Variants in CLIC4 observed in about 807,000 individuals in gnomAD.
The protein encoded by CLIC4 is chloride intracellular channel protein 4.
In CLIC4, 13 loss-of-function variants were observed where a neutral mutation model predicts 24.6. The observed-to-expected ratio is 0.53, with a 90% CI of 0.34 to 0.84. The LOEUF is 0.84. CLIC4 is among the 40% of genes least tolerant of loss of function. The pLI, the probability that CLIC4 is intolerant of heterozygous loss-of-function variation, is 0.01. For synonymous variants in CLIC4, 104 were observed against 111.3 expected (o/e 0.93, Z 0.41); for missense variants, 227 against 301.7 (o/e 0.75, Z 1.83).
chr1:24,805,086 C>CAAAAAAAAAAA (rs757976140), intron 2 of CLIC4, among the ~76,000 whole-genome samples: 27 of 46,666 alleles, frequency 5.8e-4, no homozygotes, highest in Non-Finnish European at 8.2e-4. Flanking sequence ...GACTCCATGT[C>CAAAAAAAAAAA]AAAAAAAAAA....
chr1:24,746,996 G>A (rs1320288227), intron 1 of CLIC4, among the ~76,000 whole-genome samples: 1 of 151,726 alleles, frequency 6.6e-6, no homozygotes, highest in African/African-American at 2.4e-5. Flanking sequence ...TCAAACAAAA[G>A]AGATGGAGAG....
At chr1:24,789,495 G>A (rs1639309141) in intron 1 of CLIC4, among the ~76,000 whole-genome samples, 1 of 152,182 alleles carries the variant, frequency 6.6e-6, no homozygotes, top group Admixed American at 6.5e-5. Flanking sequence ...TCCAGCCTGA[G>A]TGACAGAGCA....
At chr1:24,771,077 G>A (rs564524632) in intron 1 of CLIC4, among the ~76,000 whole-genome samples, 8 of 152,258 alleles carry the variant, frequency 5.3e-5, no homozygotes, top group African/African-American at 1.7e-4. Flanking sequence ...CCCTTTGCAA[G>A]CATTCCTAAA....
chr1:24,756,579 A>T (rs1638852717), intron 1 of CLIC4, among the ~76,000 whole-genome samples: 1 of 152,242 alleles, frequency 6.6e-6, no homozygotes, highest in South Asian at 2.1e-4. Flanking sequence ...TAAAAATGTC[A>T]ATCACTTGTA....
chr1:24,752,062 T>A (rs1032818502), intron 1 of CLIC4, among the ~76,000 whole-genome samples: 8 of 152,104 alleles, frequency 5.3e-5, no homozygotes, highest in African/African-American at 1.9e-4. Flanking sequence ...AGAGTCTGTT[T>A]CTTTTGAGAT....
intron 1 of CLIC4, among the ~76,000 whole-genome samples, chr1:24,785,854 C>CAA (rs61009244): frequency 0.021 from 1,235 of 58,286 alleles, 27 homozygotes; most frequent in African/African-American, 0.06. Context: ...GACTACAACT[C>CAA]AAAAAAAAAA....
Position 24,840,764 on chromosome 1 carries a change from G to C in CLIC4, c.598-9G>C, listed in dbSNP as rs191219232. 1 of 1,599,456 alleles carries C rather than the reference G, an allele frequency of 6.3e-7. No homozygotes were observed. Among genetic ancestry groups the C allele is most frequent in the Admixed American group, 1.7e-5 (1 of 57,662 alleles). ...AAGTCTGTTAACTTTTGATCTCTTT[G>C]TATTTCAGGTGGTGGCCAAAAAATA... is the stretch of plus-strand genomic sequence containing the variant. On this transcript the variant is annotated splice_polypyrimidine_tract_variant and intron_variant, in intron 5 of 5. Coordinates refer to ENST00000374379, the MANE Select transcript of CLIC4 (RefSeq NM_013943.3).
chr1:24,808,105 C>T (rs1639572236), intron 2 of CLIC4, among the ~76,000 whole-genome samples: 1 of 152,154 alleles, frequency 6.6e-6, no homozygotes, highest in Non-Finnish European at 1.5e-5. Context: ...CGCCACTATG[C>T]CTGGCTAATT....
At chr1:24,781,047 A>G (rs1639197130) in intron 1 of CLIC4, among the ~76,000 whole-genome samples, 2 of 143,512 alleles carry the variant, frequency 1.4e-5, no homozygotes, top group Admixed American at 1.4e-4. Context: ...AGATCGCACC[A>G]TTGCACTCCA....
chr1:24,773,560 G>A (rs1274586257), intron 1 of CLIC4, among the ~76,000 whole-genome samples: 2 of 149,798 alleles, frequency 1.3e-5, no homozygotes, highest in Non-Finnish European at 3.0e-5. Flanking sequence ...TTAAAAATGA[G>A]GGCTAGACAA....
At chr1:24,747,460 GGAGGCA>G (rs1214281134) in intron 1 of CLIC4, among the ~76,000 whole-genome samples, 1 of 150,790 alleles carries the variant, frequency 6.6e-6, no homozygotes, top group Non-Finnish European at 1.5e-5. Flanking sequence ...CTTGAACCCG[GGAGGCA>G]GAGGTTGTGG....
intron 1 of CLIC4, among the ~76,000 whole-genome samples, chr1:24,746,475 T>C (rs1638699781): frequency 6.6e-6 from 1 of 152,216 alleles, no homozygotes; most frequent in Non-Finnish European, 1.5e-5. Flanking sequence ...CTTCCTTTGC[T>C]TTTCTCTTTA....
intron 3 of CLIC4, among the ~76,000 whole-genome samples, chr1:24,820,065 A>ATGTGTG (rs1211489774): frequency 1.1e-3 from 26 of 23,328 alleles, no homozygotes; most frequent in East Asian, 8.2e-3. Context: ...AAAAAAAAGT[A>ATGTGTG]TGTATATATA....
chr1:24,749,030 A>G (rs1638741986), intron 1 of CLIC4, among the ~76,000 whole-genome samples: 1 of 152,122 alleles, frequency 6.6e-6, no homozygotes, highest in South Asian at 2.1e-4. Flanking sequence ...CCTGGGCAAC[A>G]TGGCGAAACC....
At chr1:24,791,715 A>C (rs1207032065) in intron 1 of CLIC4, among the ~76,000 whole-genome samples, 1 of 152,104 alleles carries the variant, frequency 6.6e-6, no homozygotes, top group Non-Finnish European at 1.5e-5. Flanking sequence ...GTCTCTAATA[A>C]AAATACAAAA....
At chr1:24,814,059 A>G in intron 2 of CLIC4, 35 bp from the exon 3 acceptor site, 1 of 1,611,620 alleles carries the variant, frequency 6.2e-7, no homozygotes, top group East Asian at 2.2e-5. Flanking sequence ...AAGAGTAAAA[A>G]ATGATCTGAT....
intron 1 of CLIC4, among the ~76,000 whole-genome samples, chr1:24,786,818 C>T (rs551917476): frequency 6.6e-6 from 1 of 152,154 alleles, no homozygotes; most frequent in East Asian, 1.9e-4. Flanking sequence ...CGAGGTTTCA[C>T]CATGTTAGCC....
chr1:24,805,998 C>T (rs767935657), intron 2 of CLIC4, among the ~76,000 whole-genome samples: 4 of 152,002 alleles, frequency 2.6e-5, no homozygotes, highest in Non-Finnish European at 5.9e-5. Context: ...AATAATACAC[C>T]CCAAAACACT....
intron 1 of CLIC4, among the ~76,000 whole-genome samples, chr1:24,784,352 A>G (rs1639240232): frequency 6.6e-6 from 1 of 152,146 alleles, no homozygotes; most frequent in Non-Finnish European, 1.5e-5. Flanking sequence ...TTTTTCAGTC[A>G]CTTAGGTAGG....
Sources: allele counts gnomAD v4.1 joint callset (sites outside exome capture counted in the v4.1 genomes callset), GRCh38; gene constraint gnomAD v4.1.1; transcripts MANE v1.5; gene names NCBI Gene and HGNC (gene_info 2026-07-23, HGNC 2026-07-21).